Variants in NPTN observed in about 807,000 individuals in gnomAD.
The protein encoded by NPTN is SDR-1.
In NPTN, 5 loss-of-function variants were observed where a neutral mutation model predicts 42.7. That is an observed-to-expected ratio of 0.12 (90% CI 0.06 to 0.25). NPTN has a LOEUF of 0.25. NPTN is among the 10% of genes least tolerant of loss of function. The pLI is 1.00. For missense variants in NPTN, 307 were observed against 525.4 expected (o/e 0.58, Z 4.06); for synonymous variants, 180 against 201.9 (o/e 0.89, Z 0.92).
At chr15:73,612,627 G>C (rs1004685991) in intron 1 of NPTN, among the ~76,000 whole-genome samples, 1 of 151,998 alleles carries the variant, frequency 6.6e-6, no homozygotes, top group African/African-American at 2.4e-5. Context: ...AAAATTAGCC[G>C]GGCGTGGTGG....
At chr15:73,582,095 TC>T (rs1282134343) in intron 4 of NPTN, among the ~76,000 whole-genome samples, 13 of 152,210 alleles carry the variant, frequency 8.5e-5, no homozygotes, top group Non-Finnish European at 4.4e-5. Flanking sequence ...CGTCTTGGCC[TC>T]CCAAAGTGCT....
chr15:73,576,518 G>A (rs533995073), intron 4 of NPTN, among the ~76,000 whole-genome samples: 2 of 152,156 alleles, frequency 1.3e-5, no homozygotes, highest in African/African-American at 4.8e-5. Flanking sequence ...TAGTAGAGAT[G>A]GGGTTTCACC....
Position 73,561,896 on chromosome 15 carries a change from A to AT in NPTN, c.*13dup, listed in dbSNP as rs763262357. On this transcript the variant is annotated splice_region_variant and 3_prime_UTR_variant, in exon 8 of 9. Transcript: ENST00000345330. ...GACTGCTACAGAAGGCCATACTTAC[A>AT]TTGTAAGCAGTACTTAATTTGTGTT... The AT allele has an allele frequency of 5.6e-6, 9 of 1,599,894 alleles. No homozygotes were observed. The South Asian group carries it at 1.0e-4, about 18-fold the overall frequency.
intron 2 of NPTN, among the ~76,000 whole-genome samples, chr15:73,596,593 A>C (rs536136114): frequency 6.6e-6 from 1 of 152,332 alleles, no homozygotes; most frequent in East Asian, 1.9e-4. Context: ...AGAAATCAGC[A>C]AAAGTATAGC....
At position 73,597,411 on chromosome 15, in the gene NPTN, GAAA is replaced by G; in HGVS notation, c.92-45_92-43del. The G allele has an allele frequency of 1.7e-5, 17 of 1,017,456 alleles. No individual in the cohort carries two copies. The highest frequency in any genetic ancestry group is 3.5e-5 in the South Asian group (2 of 57,384). 63.0% of individuals were successfully genotyped at this position (1,017,456 alleles called of 1,614,324 possible). On this transcript the variant is annotated intron_variant, in intron 1 of 8. Transcript: ENST00000345330. This position sits in a 1 kb window ranked among gnomAD's most constrained non-coding sequence, Gnocchi z 6.3. The stretch of plus-strand genomic sequence containing the variant: ...CAGGAATGCAGTGACAGGCCAATCA[GAAA>G]AAAAAAAAAGAATCAACAGGTGTTA...
intron 6 of NPTN, among the ~76,000 whole-genome samples, chr15:73,564,573 A>G (rs955563250): frequency 3.3e-5 from 5 of 152,184 alleles, no homozygotes; most frequent in African/African-American, 1.2e-4. Flanking sequence ...ACTACTAACA[A>G]CAGTATACAC....
At chr15:73,579,788 G>C (rs944272632) in intron 4 of NPTN, among the ~76,000 whole-genome samples, 31 of 152,100 alleles carry the variant, frequency 2.0e-4, no homozygotes, top group African/African-American at 7.2e-4. Flanking sequence ...ACTGCCAAGA[G>C]CCATGTGAGT....
intron 1 of NPTN, among the ~76,000 whole-genome samples, chr15:73,614,898 T>C (rs1371997062): frequency 1.3e-5 from 2 of 152,126 alleles, no homozygotes; most frequent in South Asian, 2.1e-4. Flanking sequence ...TATATTTGAA[T>C]TTACCACAGA....
At chr15:73,574,820 G>A (rs948103785) in intron 4 of NPTN, among the ~76,000 whole-genome samples, 3 of 152,180 alleles carry the variant, frequency 2.0e-5, no homozygotes, top group African/African-American at 2.4e-5. Flanking sequence ...GCTAGAGGCC[G>A]TTGGTCTTCT....
intron 1 of NPTN, among the ~76,000 whole-genome samples, chr15:73,614,413 C>A (rs1485532360): frequency 1.3e-5 from 2 of 152,118 alleles, no homozygotes; most frequent in African/African-American, 4.8e-5. Flanking sequence ...GTGTATATAA[C>A]CAGAAGACTG....
intron 4 of NPTN, among the ~76,000 whole-genome samples, chr15:73,574,449 C>G (rs1432783690): frequency 7.2e-5 from 11 of 152,090 alleles, no homozygotes; most frequent in Non-Finnish European, 1.6e-4. Flanking sequence ...GAGATGGGGT[C>G]TTATTCTATC....
intron 1 of NPTN, among the ~76,000 whole-genome samples, chr15:73,628,733 C>A (rs1190310090): frequency 6.6e-6 from 1 of 151,758 alleles, no homozygotes; most frequent in African/African-American, 2.4e-5. Context: ...TCTTTCAAGG[C>A]CCAATTAAAT....
chr15:73,592,354 C>G (rs1896633363), intron 2 of NPTN, among the ~76,000 whole-genome samples: 1 of 152,134 alleles, frequency 6.6e-6, no homozygotes, highest in Non-Finnish European at 1.5e-5. Context: ...GCCTGAAGAC[C>G]AGTTGGCCTA....
intron 1 of NPTN, among the ~76,000 whole-genome samples, chr15:73,600,738 C>T (rs192531253): frequency 4.9e-4 from 74 of 152,266 alleles, no homozygotes; most frequent in African/African-American, 1.8e-3. Flanking sequence ...AGCCAGGAAC[C>T]TTTGACCAAT....
At chr15:73,589,826 C>T (rs1896500279) in intron 3 of NPTN, among the ~76,000 whole-genome samples, 1 of 151,760 alleles carries the variant, frequency 6.6e-6, no homozygotes, top group Admixed American at 6.6e-5. Flanking sequence ...TCAGTGTCTT[C>T]TCAATGTGAC....
Position 73,560,292 on chromosome 15 carries a change from T to C in NPTN, c.*771A>G, listed in dbSNP as rs1894584850. ...GAAAAATTATAAAAGTTTGCCTTGA[T>C]TGAATGAATGTACAAGAATAAGGTT... On this transcript the variant is annotated 3_prime_UTR_variant, in exon 9 of 9. Transcript: ENST00000345330. The C allele has an allele frequency of 6.0e-6, 1 of 166,264 alleles. No homozygotes were observed. The highest frequency in any genetic ancestry group is 6.5e-5 in the Admixed American group (1 of 15,434). The allele number at this position is 166,264 out of a possible 1,614,324, so 10.3% of individuals were successfully genotyped here. A position where few individuals can be genotyped will look rare whatever the true frequency, so the allele number is the denominator to read the frequency against.
intron 4 of NPTN, among the ~76,000 whole-genome samples, chr15:73,577,814 G>A (rs1895775994): frequency 6.6e-6 from 1 of 152,096 alleles, no homozygotes; most frequent in African/African-American, 2.4e-5. Context: ...AGCACAAGAA[G>A]TCAGCTCTGA....
At chr15:73,587,501 C>G in intron 4 of NPTN, 23 bp downstream of exon 4, 1 of 1,570,860 alleles carries the variant, frequency 6.4e-7, no homozygotes, top group South Asian at 1.1e-5. Flanking sequence ...GAGGCTCACA[C>G]CACAGCCTCT....
At chr15:73,596,849 C>T (rs909221196) in intron 2 of NPTN, among the ~76,000 whole-genome samples, 173 bp downstream of exon 2, 1 of 151,696 alleles carries the variant, frequency 6.6e-6, no homozygotes, top group Non-Finnish European at 1.5e-5. Flanking sequence ...AAAAAAGTTG[C>T]CACAGATGTT....
Sources: allele counts gnomAD v4.1 joint callset (sites outside exome capture counted in the v4.1 genomes callset), GRCh38; gene constraint gnomAD v4.1.1; non-coding constraint Gnocchi (gnomAD v3.1); transcripts MANE v1.5; gene names NCBI Gene and HGNC (gene_info 2026-07-23, HGNC 2026-07-21).